AGMO: variants seen among roughly 807,000 people sequenced by gnomAD.
AGMO encodes alkylglycerol monooxygenase.
Under a neutral mutation model 60.2 loss-of-function variants are expected in AGMO, and 75 were observed. The ratio of observed to expected loss-of-function variants is 1.25; its 90% CI spans 1.03 to 1.51. The LOEUF (loss-of-function observed/expected upper bound fraction) is 1.51. Ranked by LOEUF, AGMO falls within the 40% of genes most tolerant of loss-of-function variation. AGMO has a pLI of 0.00. For missense variants in AGMO, 763 were observed against 525.5 expected (o/e 1.45, Z -4.42); for synonymous variants, 261 against 177.1 (o/e 1.47, Z -3.76).
chr7:15,538,361 C>G (rs184241101), intron 3 of AGMO, among the ~76,000 whole-genome samples: 1 of 152,036 alleles, frequency 6.6e-6, no homozygotes, highest in South Asian at 2.1e-4. Flanking sequence ...GCCTTCTGAG[C>G]AGCTAGAATT....
chr7:15,213,368 A>G (rs750670630), intron 12 of AGMO, among the ~76,000 whole-genome samples: 1 of 151,922 alleles, frequency 6.6e-6, no homozygotes, highest in African/African-American at 2.4e-5. Flanking sequence ...ATGCGAGGGT[A>G]GAAATAGAAA....
the AGMO span, among the ~76,000 whole-genome samples, chr7:15,133,285 TGTAA>T: frequency 1.3e-5 from 2 of 152,250 alleles, no homozygotes; most frequent in African/African-American, 4.8e-5. Context: ...GTTCCTTTTG[TGTAA>T]GTGTCTGTAG....
At chr7:15,386,088 G>A (rs1244045766) in intron 9 of AGMO, among the ~76,000 whole-genome samples, 1 of 152,008 alleles carries the variant, frequency 6.6e-6, no homozygotes, top group Non-Finnish European at 1.5e-5. Flanking sequence ...GGCTGAGGCA[G>A]AAGAACTGCT....
intron 12 of AGMO, among the ~76,000 whole-genome samples, chr7:15,275,163 CT>C (rs978201938): frequency 6.6e-6 from 1 of 152,028 alleles, no homozygotes; most frequent in African/African-American, 2.4e-5. Context: ...ATACTTCTAT[CT>C]TTTTAAGGTA....
chr7:15,474,959 C>T (rs773362780), intron 3 of AGMO, among the ~76,000 whole-genome samples: 5 of 152,104 alleles, frequency 3.3e-5, no homozygotes, highest in Admixed American at 6.6e-5. Context: ...CATCCCTGGT[C>T]ATTAGAAAAA....
chr7:15,295,547 AGTT>A (rs1451714743), intron 12 of AGMO, among the ~76,000 whole-genome samples: 1 of 152,088 alleles, frequency 6.6e-6, no homozygotes, highest in African/African-American at 2.4e-5. Flanking sequence ...ACAAATAAGT[AGTT>A]GGAGAATTAC....
intron 5 of AGMO, 29 bp from the exon 6 acceptor site, chr7:15,394,208 A>C: frequency 6.9e-7 from 1 of 1,451,682 alleles, no homozygotes. Flanking sequence ...ATATTTATAC[A>C]TGTAGTTATC....
At chr7:15,393,289 G>A (rs1406903295) in intron 6 of AGMO, among the ~76,000 whole-genome samples, 5 of 152,170 alleles carry the variant, frequency 3.3e-5, no homozygotes, top group Admixed American at 6.5e-5. Flanking sequence ...CAGGGTTGCC[G>A]AGGAAGACTG....
At chr7:15,240,390 T>A (rs1782554427) in intron 12 of AGMO, among the ~76,000 whole-genome samples, 2 of 152,210 alleles carry the variant, frequency 1.3e-5, no homozygotes, top group South Asian at 4.1e-4. Flanking sequence ...CCAGCCTTCA[T>A]CTGACAAGAA....
intron 12 of AGMO, among the ~76,000 whole-genome samples, chr7:15,207,656 C>A (rs772905243): frequency 6.6e-5 from 10 of 152,178 alleles, no homozygotes; most frequent in Non-Finnish European, 1.5e-4. Context: ...GAAAATAGGC[C>A]GGGCGTGGTG....
At chr7:15,386,523 G>A (rs1233383498) in intron 9 of AGMO, among the ~76,000 whole-genome samples, 1 of 152,152 alleles carries the variant, frequency 6.6e-6, no homozygotes, top group African/African-American at 2.4e-5. Context: ...GTGGATTGTT[G>A]CACAATGAAT....
chr7:15,383,535 G>A (rs181771128), intron 10 of AGMO, among the ~76,000 whole-genome samples: 3 of 151,966 alleles, frequency 2.0e-5, no homozygotes, highest in Non-Finnish European at 4.4e-5. Context: ...AGAATATATA[G>A]AACTGTTACA....
At chr7:15,256,953 A>T (rs1783116998) in intron 12 of AGMO, among the ~76,000 whole-genome samples, 1 of 152,302 alleles carries the variant, frequency 6.6e-6, no homozygotes, top group African/African-American at 2.4e-5. Context: ...ATAGGTAGGC[A>T]TTCCATGGTG....
intron 3 of AGMO, among the ~76,000 whole-genome samples, chr7:15,484,096 G>T (rs949056146): frequency 6.6e-6 from 1 of 151,950 alleles, no homozygotes; most frequent in African/African-American, 2.4e-5. Context: ...AATATACGAA[G>T]ATATCATCAA....
intron 12 of AGMO, among the ~76,000 whole-genome samples, chr7:15,257,947 T>C (rs1305746554): frequency 6.6e-6 from 1 of 152,210 alleles, no homozygotes; most frequent in East Asian, 1.9e-4. Context: ...TTATGGAGTC[T>C]TTTCTTTGTA....
chr7:15,441,134 T>C (rs1268415456), intron 3 of AGMO, among the ~76,000 whole-genome samples: 2 of 152,208 alleles, frequency 1.3e-5, no homozygotes, highest in African/African-American at 2.4e-5. Context: ...AGTATGAATA[T>C]TGGAATTTCC....
intron 12 of AGMO, among the ~76,000 whole-genome samples, chr7:15,237,508 G>C (rs1782461169): frequency 6.6e-6 from 1 of 151,692 alleles, no homozygotes; most frequent in African/African-American, 2.4e-5. Flanking sequence ...TTGGCCAATA[G>C]AATAATTTAC....
intron 10 of AGMO, among the ~76,000 whole-genome samples, chr7:15,383,413 A>G (rs1238592507): frequency 6.6e-6 from 1 of 152,092 alleles, no homozygotes; most frequent in Non-Finnish European, 1.5e-5. Flanking sequence ...TCTGCCATAT[A>G]CAATAAAAAA....
chr7:15,166,200 G>T, the AGMO span, among the ~76,000 whole-genome samples: 2 of 152,146 alleles, frequency 1.3e-5, no homozygotes, highest in African/African-American at 4.8e-5. Context: ...GATCGGTGGT[G>T]CTGAGTGAGA....
Sources: gnomAD v4.1 joint callset for allele counts (sites outside exome capture counted in the v4.1 genomes callset) on GRCh38, gnomAD v4.1.1 for gene constraint, MANE v1.5 for transcripts, NCBI Gene and HGNC (gene_info 2026-07-23, HGNC 2026-07-21) for gene names.